The following ACCSL variants were observed in gnomAD, a reference collection of about 807,000 sequenced individuals.
ACCSL encodes 1-aminocyclopropane-1-carboxylate synthase homolog (inactive) like.
ACCSL carries 55 observed loss-of-function variants against 61.7 expected under a neutral mutation model. That is an observed-to-expected ratio of 0.89 (90% CI 0.72 to 1.12). The LOEUF (loss-of-function observed/expected upper bound fraction) is 1.12, where lower values mean the gene tolerates loss of function less well. ACCSL is among the 50% of genes most tolerant of loss of function. ACCSL has a pLI of 0.00. For missense variants in ACCSL, 632 were observed against 698.0 expected (o/e 0.91, Z 1.07); for synonymous variants, 258 against 264.3 (o/e 0.98, Z 0.23).
the ACCSL span, among the ~76,000 whole-genome samples, chr11:43,955,158 C>T: frequency 6.6e-6 from 1 of 152,150 alleles, no homozygotes. Flanking sequence ...ACAGTGAAGA[C>T]TGCTAATGGT....
At chr11:43,922,524 G>A in the ACCSL span, among the ~76,000 whole-genome samples, 3 of 152,172 alleles carry the variant, frequency 2.0e-5, no homozygotes, top group Non-Finnish European at 4.4e-5. Flanking sequence ...ATCAGCATCA[G>A]CATCCTCTAG....
the ACCSL span, chr11:43,943,890 C>A: frequency 5.0e-5 from 61 of 1,219,382 alleles, no homozygotes; most frequent in Non-Finnish European, 6.2e-5. The surrounding 1 kb of genome is among the most constrained non-coding windows in gnomAD (Gnocchi z 4.8). Context: ...TGCAGTTTTC[C>A]AGGCTCTTGA....
At chr11:43,964,471 C>T in the ACCSL span, among the ~76,000 whole-genome samples, 2 of 151,168 alleles carry the variant, frequency 1.3e-5, no homozygotes, top group Admixed American at 1.3e-4. Context: ...ATGTCTAGGG[C>T]CAGGTGGTTG....
chr11:43,956,831 G>A, the ACCSL span, among the ~76,000 whole-genome samples: 2 of 152,110 alleles, frequency 1.3e-5, no homozygotes, highest in East Asian at 1.9e-4. Flanking sequence ...GGAAAAATGC[G>A]AGTCACAGAT....
the ACCSL span, among the ~76,000 whole-genome samples, chr11:43,948,284 T>A: frequency 6.6e-6 from 1 of 152,170 alleles, no homozygotes; most frequent in African/African-American, 2.4e-5. Context: ...TTAGGCCCTT[T>A]GGCCTCTGGA....
chr11:44,056,571 G>T (rs1048919344), intron 11 of ACCSL, among the ~76,000 whole-genome samples: 3 of 152,184 alleles, frequency 2.0e-5, no homozygotes, highest in Non-Finnish European at 4.4e-5. Flanking sequence ...GGTGGCTCAC[G>T]CCTGTAATCC....
At chr11:44,009,525 A>G in the ACCSL span, among the ~76,000 whole-genome samples, 3 of 152,140 alleles carry the variant, frequency 2.0e-5, no homozygotes, top group Non-Finnish European at 2.9e-5. Context: ...CAACACTTTG[A>G]GAGGCCAAGA....
At chr11:43,944,881 C>T in the ACCSL span, 1 of 152,408 alleles carries the variant, frequency 6.6e-6, no homozygotes, top group African/African-American at 2.4e-5. Context: ...CAGGGCTGAC[C>T]CACCCTGACA....
the ACCSL span, among the ~76,000 whole-genome samples, chr11:43,957,807 A>C: frequency 6.6e-6 from 1 of 152,194 alleles, no homozygotes; most frequent in Non-Finnish European, 1.5e-5. Context: ...TAAGCTCCAA[A>C]GGGAGGGGGT....
chr11:44,025,689 C>T, the ACCSL span, among the ~76,000 whole-genome samples: 2 of 152,092 alleles, frequency 1.3e-5, no homozygotes, highest in Non-Finnish European at 2.9e-5. Context: ...CTAGCTCATA[C>T]AGCCTAAATG....
the ACCSL span, among the ~76,000 whole-genome samples, chr11:43,950,580 G>A: frequency 1.3e-5 from 2 of 152,320 alleles, no homozygotes; most frequent in East Asian, 3.9e-4. Context: ...ATTCTCTTGT[G>A]TGGTCTTAAG....
upstream of ACCSL, among the ~76,000 whole-genome samples, chr11:44,046,481 C>T (rs1952597956): frequency 6.6e-6 from 1 of 152,198 alleles, no homozygotes; most frequent in South Asian, 2.1e-4. Context: ...GAATGTAATA[C>T]TGAAGGCTGA....
At chr11:43,922,725 G>C in the ACCSL span, among the ~76,000 whole-genome samples, 1 of 152,098 alleles carries the variant, frequency 6.6e-6, no homozygotes, top group African/African-American at 2.4e-5. Context: ...AGTTTTCCCC[G>C]GTGGTCCTTT....
At chr11:43,946,870 C>T in the ACCSL span, among the ~76,000 whole-genome samples, 1 of 152,004 alleles carries the variant, frequency 6.6e-6, no homozygotes, top group Non-Finnish European at 1.5e-5. Context: ...TCAGGCTGGT[C>T]CTGGAAAGCC....
the ACCSL span, among the ~76,000 whole-genome samples, chr11:43,921,330 C>T: frequency 6.6e-6 from 1 of 152,272 alleles, no homozygotes; most frequent in South Asian, 2.1e-4. Flanking sequence ...AGCTCTCTGG[C>T]TCCTGGCATT....
the ACCSL span, among the ~76,000 whole-genome samples, chr11:44,036,764 A>G: frequency 6.7e-6 from 1 of 149,334 alleles, no homozygotes; most frequent in African/African-American, 2.5e-5. Flanking sequence ...CCTGGGTGAC[A>G]GAGCAAGACA....
At chr11:44,023,041 C>CT in the ACCSL span, among the ~76,000 whole-genome samples, 381 of 86,374 alleles carry the variant, frequency 4.4e-3, 9 homozygotes, top group African/African-American at 0.012. Context: ...TCTTCTTCTT[C>CT]TTTTTTTTTT....
the ACCSL span, among the ~76,000 whole-genome samples, chr11:43,929,017 T>G: frequency 2.0e-5 from 3 of 152,232 alleles, no homozygotes; most frequent in Non-Finnish European, 2.9e-5. Flanking sequence ...TTTAGTCCAG[T>G]AGACCTGGTT....
At chr11:44,051,139 C>A (rs1365857401) in intron 3 of ACCSL, among the ~76,000 whole-genome samples, 196 bp from the exon 4 acceptor site, 1 of 152,206 alleles carries the variant, frequency 6.6e-6, no homozygotes, top group Non-Finnish European at 1.5e-5. Flanking sequence ...CTGTGCCCGG[C>A]CAAGGCCTAA....
Sources: gnomAD v4.1 joint callset for allele counts (sites outside exome capture counted in the v4.1 genomes callset) on GRCh38, gnomAD v4.1.1 for gene constraint, Gnocchi (gnomAD v3.1) non-coding constraint, MANE v1.5 for transcripts, NCBI Gene and HGNC (gene_info 2026-07-23, HGNC 2026-07-21) for gene names.